MYO5A: variants seen among roughly 807,000 people sequenced by gnomAD.
MYO5A encodes the protein unconventional myosin-Va.
MYO5A carries 98 observed loss-of-function variants against 249.7 expected under a neutral mutation model. The ratio of observed to expected loss-of-function variants is 0.39; its 90% CI spans 0.33 to 0.46. The LOEUF is 0.46. MYO5A is among the 20% of genes least tolerant of loss of function. The pLI, the probability that MYO5A is intolerant of heterozygous loss-of-function variation, is 0.98. For synonymous variants in MYO5A, 778 were observed against 810.6 expected, an observed-to-expected ratio of 0.96 and a Z score of 0.68; for missense variants, 1,696 against 2,308.8, an observed-to-expected ratio of 0.73 and a Z score of 5.44.
chr15:52,436,712 T>A (rs1192557893), intron 1 of MYO5A, among the ~76,000 whole-genome samples: 7 of 152,234 alleles, frequency 4.6e-5, no homozygotes, highest in African/African-American at 1.7e-4. Context: ...AGCTGGTGCT[T>A]AGTAAGAACT....
chr15:52,338,519 C>T (rs1423441746), intron 32 of MYO5A, among the ~76,000 whole-genome samples: 1 of 152,086 alleles, frequency 6.6e-6, no homozygotes, highest in African/African-American at 2.4e-5. Flanking sequence ...TCAAGTGTTT[C>T]TTATAGAAAT....
In MYO5A at chr15:52,405,339, T is replaced by A; in HGVS notation, c.1001A>T (p.His334Leu). 1.2e-6 allele frequency: 2 copies of A among 1,614,034 alleles called. No homozygotes were observed. The highest frequency in any genetic ancestry group is 8.5e-7 in the Non-Finnish European group (1 of 1,179,908). ...GGATGTAAATCCAACATTGCCTAAG[T>A]GAAGGATGCCAGCAAGTATTCGGAA... is the stretch of plus-strand genomic sequence containing the variant. ...GIFRILAGILHLGNVGFTSRD... is the reference protein window; with the variant it reads ...GIFRILAGILLLGNVGFTSRD... Residue 334 changes from histidine (H) to leucine (L), a missense_variant, in exon 9 of 42, where the codon CAC becomes CTC. Around this residue, in one of 5 missense-constraint regions of MYO5A, gnomAD observed 185 missense variants for 204.8 expected, o/e 0.90. Coordinates refer to ENST00000399233, the MANE Select transcript of MYO5A (RefSeq NM_001382347.1).
In MYO5A at chr15:52,321,474, T is replaced by G; in HGVS notation, c.4836A>C (p.Glu1612Asp). Residue 1612 changes from glutamate to aspartate, a missense_variant, in exon 38 of 42, where the codon GAA becomes GAC. Around this residue, in one of 5 missense-constraint regions of MYO5A, gnomAD observed 625 missense variants for 908.1 expected, o/e 0.69. Transcript: ENST00000399233. Reference protein sequence around the residue: ...FMKHNTSRQNEHCLTNFDLAE... With the variant: ...FMKHNTSRQNDHCLTNFDLAE... The stretch of plus-strand genomic sequence containing the variant: ...CCAGGTCAAAATTGGTGAGGCAGTG[T>G]TCATTCTGGCGAGATGTGTTGTGCT... The G allele has an allele frequency of 6.2e-7, 1 of 1,614,252 alleles. No homozygotes were observed. The highest frequency in any genetic ancestry group is 8.5e-7 in the Non-Finnish European group (1 of 1,180,046).
At chr15:52,471,342 G>A (rs1459256772) in intron 1 of MYO5A, among the ~76,000 whole-genome samples, 5 of 152,088 alleles carry the variant, frequency 3.3e-5, no homozygotes, top group Non-Finnish European at 2.9e-5. Flanking sequence ...AGTGGCTCAC[G>A]CCTGTAATCC....
intron 20 of MYO5A, among the ~76,000 whole-genome samples, chr15:52,373,263 G>A (rs949000475): frequency 3.9e-5 from 6 of 152,242 alleles, no homozygotes; most frequent in Admixed American, 6.5e-5. Flanking sequence ...AAAAGACACC[G>A]TGTAAACATT....
In MYO5A at chr15:52,474,319, T is replaced by A. The variant is rs1443450776; in HGVS notation, c.28-41034A>T. ...ACAATGGGGTTTTCTAAATATACAA[T>A]CATGTCATCTGCAAACAGGGACAAT... On this transcript the variant is annotated intron_variant, in intron 1 of 41. Coordinates refer to ENST00000399233, the MANE Select transcript of MYO5A (RefSeq NM_001382347.1). 2.0e-5 allele frequency among the ~76,000 whole-genome samples: 3 copies of A among 152,220 alleles called. No homozygotes were observed. In the East Asian group the frequency reaches 5.8e-4, roughly 29 times the overall value.
At chr15:52,493,736 T>C (rs574111478) in intron 1 of MYO5A, among the ~76,000 whole-genome samples, 87 of 152,208 alleles carry the variant, frequency 5.7e-4, no homozygotes, top group African/African-American at 2.0e-3. Context: ...CTAGAAGACA[T>C]TAGGCTCAGT....
At chr15:52,461,213 A>G (rs2076241915) in intron 1 of MYO5A, among the ~76,000 whole-genome samples, 1 of 152,196 alleles carries the variant, frequency 6.6e-6, no homozygotes, top group Admixed American at 6.5e-5. Context: ...TCAGCCTCCC[A>G]AAGTGCTGGG....
intron 27 of MYO5A, among the ~76,000 whole-genome samples, chr15:52,353,121 T>G (rs1054134653): frequency 2.2e-4 from 34 of 152,308 alleles, no homozygotes; most frequent in Admixed American, 9.8e-4. Flanking sequence ...GCCTGAAAAT[T>G]TGCACTTCCA....
At chr15:52,453,731 TA>T (rs970803227) in intron 1 of MYO5A, among the ~76,000 whole-genome samples, 2 of 151,984 alleles carry the variant, frequency 1.3e-5, no homozygotes, top group Non-Finnish European at 2.9e-5. Context: ...AGGTTTTTTT[TA>T]AAAAAATATT....
Position 52,391,912 on chromosome 15 carries a change from C to G in MYO5A, c.1542+18G>C. Reference sequence around the variant, plus strand: ...CATCTATTTTGATAAACCAAGTACCCCAGGAAATCATACTTACCTTGCATT... The same window carrying G: ...CATCTATTTTGATAAACCAAGTACCGCAGGAAATCATACTTACCTTGCATT... On this transcript the variant is annotated intron_variant, in intron 12 of 41. Coordinates refer to ENST00000399233, the MANE Select transcript of MYO5A (RefSeq NM_001382347.1). 6.2e-7 allele frequency: 1 copy of G among 1,610,696 alleles called. No individual in the cohort carries two copies. The highest frequency in any genetic ancestry group is 8.5e-7 in the Non-Finnish European group (1 of 1,178,038).
At chr15:52,506,134 G>A (rs540387993) in intron 1 of MYO5A, among the ~76,000 whole-genome samples, 47 of 152,184 alleles carry the variant, frequency 3.1e-4, no homozygotes, top group Admixed American at 2.6e-4. Flanking sequence ...GGCAGATCAC[G>A]AGGTCAGGAG....
chr15:52,512,149 C>G (rs1237035657), intron 1 of MYO5A, among the ~76,000 whole-genome samples: 3 of 124,824 alleles, frequency 2.4e-5, no homozygotes, highest in African/African-American at 9.6e-5. Context: ...GGCGACAGAG[C>G]AAGACTGTCT....
At chr15:52,527,285 A>T (rs1429901497) in intron 1 of MYO5A, among the ~76,000 whole-genome samples, 1 of 152,238 alleles carries the variant, frequency 6.6e-6, no homozygotes, top group African/African-American at 2.4e-5. Context: ...TCATATTTTT[A>T]AAACGCTTAA....
At chr15:52,454,136 G>A (rs1292453865) in intron 1 of MYO5A, among the ~76,000 whole-genome samples, 8 of 152,022 alleles carry the variant, frequency 5.3e-5, no homozygotes, top group Non-Finnish European at 1.0e-4. Context: ...TACCTATAAA[G>A]ACATACGTAG....
chr15:52,361,959 C>T (rs917561691), intron 24 of MYO5A, among the ~76,000 whole-genome samples: 1 of 152,140 alleles, frequency 6.6e-6, no homozygotes, highest in Non-Finnish European at 1.5e-5. Flanking sequence ...TTTCCCTCCC[C>T]TCTCTGGAAT....
chr15:52,513,951 T>C (rs929350807), intron 1 of MYO5A, among the ~76,000 whole-genome samples: 49 of 152,298 alleles, frequency 3.2e-4, no homozygotes, highest in East Asian at 2.5e-3. Context: ...AGGAAAGTCA[T>C]CTATAATGAC....
chr15:52,405,484 T>C (rs771058807), intron 8 of MYO5A, 91 bp from the exon 9 acceptor site: 15 of 916,794 alleles, frequency 1.6e-5, no homozygotes, highest in East Asian at 2.6e-5. Context: ...TGTTAATTCC[T>C]GAATATTGCC....
chr15:52,480,216 T>G (rs1034538270), intron 1 of MYO5A, among the ~76,000 whole-genome samples: 16 of 152,186 alleles, frequency 1.1e-4, no homozygotes, highest in Non-Finnish European at 2.4e-4. Flanking sequence ...AACTAAATAC[T>G]AATTGCGATA....
Sources: allele counts gnomAD v4.1 joint callset (sites outside exome capture counted in the v4.1 genomes callset), GRCh38; gene constraint gnomAD v4.1.1; regional missense constraint gnomAD v4.1.1; transcripts MANE v1.5; gene names NCBI Gene and HGNC (gene_info 2026-07-23, HGNC 2026-07-21).